ARHGAP42: variants seen among roughly 807,000 people sequenced by gnomAD.
ARHGAP42 encodes the protein Rho GTPase activating protein 42.
Under a neutral mutation model 125.0 loss-of-function variants are expected in ARHGAP42, and 63 were observed. The observed-to-expected ratio is 0.50, with a 90% CI of 0.41 to 0.62. The LOEUF is 0.62. Among genes scored for constraint, ARHGAP42 ranks in the 20% least tolerant of loss-of-function variants. The pLI, the probability that ARHGAP42 is intolerant of heterozygous loss-of-function variation, is 0.00. For synonymous variants in ARHGAP42, 339 were observed against 351.0 expected (o/e 0.97, Z 0.38); for missense variants, 766 against 1,024.2 (o/e 0.75, Z 3.44).
intron 3 of ARHGAP42, among the ~76,000 whole-genome samples, chr11:100,814,374 A>AG (rs1864217170): frequency 6.6e-6 from 1 of 151,830 alleles, no homozygotes; most frequent in Non-Finnish European, 1.5e-5. Context: ...AAAAAAAAAA[A>AG]AAAAGAAAAG....
intron 1 of ARHGAP42, among the ~76,000 whole-genome samples, chr11:100,690,180 A>T (rs1483810498): frequency 1.3e-5 from 2 of 152,120 alleles, no homozygotes; most frequent in Non-Finnish European, 2.9e-5. Context: ...CTGCCTGGGG[A>T]GGACTTCACC....
At chr11:100,704,771 C>G (rs1207263962) in intron 1 of ARHGAP42, among the ~76,000 whole-genome samples, 1 of 151,274 alleles carries the variant, frequency 6.6e-6, no homozygotes, top group African/African-American at 2.4e-5. Flanking sequence ...CCAGCCTGGG[C>G]AAAGCAAGAA....
intron 7 of ARHGAP42, among the ~76,000 whole-genome samples, chr11:100,934,424 A>T (rs532506442): frequency 4.3e-4 from 66 of 152,312 alleles, no homozygotes; most frequent in East Asian, 1.7e-3. Context: ...AAAATTTTTT[A>T]AAAGTGAGAA....
At chr11:100,745,802 G>A (rs143892348) in intron 1 of ARHGAP42, among the ~76,000 whole-genome samples, 2,216 of 152,280 alleles carry the variant, frequency 0.015, 18 homozygotes, top group Non-Finnish European at 0.023. Context: ...AGCATCTCTA[G>A]TGTAGTTAAT....
At chr11:100,694,272 T>C (rs542952769) in intron 1 of ARHGAP42, among the ~76,000 whole-genome samples, 58 of 152,270 alleles carry the variant, frequency 3.8e-4, no homozygotes, top group African/African-American at 1.3e-3. Context: ...TATTAATGTA[T>C]ATATGGAGAG....
intron 3 of ARHGAP42, among the ~76,000 whole-genome samples, chr11:100,828,085 G>T (rs1314513531): frequency 1.3e-5 from 2 of 152,136 alleles, no homozygotes; most frequent in African/African-American, 4.8e-5. Context: ...AAAAGTCATG[G>T]CTCTTAACAT....
At chr11:100,950,534 A>AT (rs1317596989) in intron 12 of ARHGAP42, among the ~76,000 whole-genome samples, 2 of 151,652 alleles carry the variant, frequency 1.3e-5, no homozygotes, top group African/African-American at 4.8e-5. Flanking sequence ...CACATGGTAT[A>AT]TGTTGGAAAA....
intron 15 of ARHGAP42, 119 bp from the exon 16 acceptor site, chr11:100,962,288 ATG>A: frequency 2.6e-6 from 2 of 776,568 alleles, no homozygotes; most frequent in East Asian, 5.5e-5. Context: ...TTACTTATTT[ATG>A]TGTTATTTTA....
intron 4 of ARHGAP42, among the ~76,000 whole-genome samples, chr11:100,881,829 TTTTG>T (rs142882226): frequency 0.056 from 8,525 of 151,834 alleles, 506 homozygotes; most frequent in East Asian, 0.25. Flanking sequence ...TTTTGTTAGT[TTTTG>T]TTTGTTTGTT....
At chr11:100,710,027 T>C (rs1861535973) in intron 1 of ARHGAP42, among the ~76,000 whole-genome samples, 1 of 152,196 alleles carries the variant, frequency 6.6e-6, no homozygotes, top group Non-Finnish European at 1.5e-5. Flanking sequence ...GGGGGGCATC[T>C]GCTGAACTTA....
chr11:100,973,008 A>G (rs1412038910), intron 17 of ARHGAP42, among the ~76,000 whole-genome samples, 167 bp from the exon 18 acceptor site: 1 of 152,184 alleles, frequency 6.6e-6, no homozygotes, highest in East Asian at 1.9e-4. Flanking sequence ...ATCTGTTTAC[A>G]TCTTTTTAGG....
chr11:100,867,292 A>G (rs1415678950), intron 4 of ARHGAP42, among the ~76,000 whole-genome samples: 1 of 152,204 alleles, frequency 6.6e-6, no homozygotes, highest in African/African-American at 2.4e-5. Context: ...AAAGTCCTGG[A>G]TGGCATCTTC....
chr11:100,807,176 G>T (rs547618201), intron 3 of ARHGAP42, among the ~76,000 whole-genome samples: 2 of 148,674 alleles, frequency 1.3e-5, no homozygotes, highest in African/African-American at 4.9e-5. Flanking sequence ...ATTGTGCAAA[G>T]AGCTTTTATA....
chr11:100,929,937 G>A (rs1256991577), intron 6 of ARHGAP42, among the ~76,000 whole-genome samples: 4 of 152,030 alleles, frequency 2.6e-5, no homozygotes, highest in African/African-American at 9.7e-5. Flanking sequence ...TTGTAATGGG[G>A]TTATTTTAAA....
chr11:100,921,202 AATATATAT>A (rs1432860606), intron 5 of ARHGAP42, among the ~76,000 whole-genome samples: 41 of 39,280 alleles, frequency 1.0e-3, no homozygotes, highest in Admixed American at 2.9e-3. Flanking sequence ...CCCCTCTTGT[AATATATAT>A]ATACATATAT....
chr11:100,690,899 C>T (rs1377842432), intron 1 of ARHGAP42, among the ~76,000 whole-genome samples: 1 of 152,136 alleles, frequency 6.6e-6, no homozygotes, highest in African/African-American at 2.4e-5. Context: ...CGCGCCCGGC[C>T]AACATCCATT....
chr11:100,702,582 T>C (rs980234317), intron 1 of ARHGAP42, among the ~76,000 whole-genome samples: 15 of 148,212 alleles, frequency 1.0e-4, no homozygotes, highest in South Asian at 2.1e-4. Context: ...AAAAAAAAAC[T>C]GCAAAGTACA....
At chr11:100,918,637 A>G (rs1367594137) in intron 5 of ARHGAP42, among the ~76,000 whole-genome samples, 1 of 152,222 alleles carries the variant, frequency 6.6e-6, no homozygotes, top group African/African-American at 2.4e-5. Context: ...GAGCTTAAAT[A>G]CTAAAGAGAT....
At chr11:100,766,327 C>T (rs949473881) in intron 1 of ARHGAP42, among the ~76,000 whole-genome samples, 1 of 151,782 alleles carries the variant, frequency 6.6e-6, no homozygotes, top group Non-Finnish European at 1.5e-5. Context: ...GGAGAGACAC[C>T]CCTGTCTAAA....
Sources: gnomAD v4.1 joint callset for allele counts (sites outside exome capture counted in the v4.1 genomes callset) on GRCh38, gnomAD v4.1.1 for gene constraint, MANE v1.5 for transcripts, NCBI Gene and HGNC (gene_info 2026-07-23, HGNC 2026-07-21) for gene names.